The following RBMX variants were observed in gnomAD, a reference collection of about 807,000 sequenced individuals.
The protein encoded by RBMX is RNA binding motif protein X-linked, also known as RNA-binding motif protein, X chromosome.
RBMX carries 1 observed loss-of-function variant against 29.3 expected under a neutral mutation model. That is an observed-to-expected ratio of 0.03 (90% CI 0.01 to 0.16). RBMX has a LOEUF of 0.16. Among genes scored for constraint, RBMX ranks in the 10% least tolerant of loss-of-function variants. The pLI, the probability that RBMX is intolerant of heterozygous loss-of-function variation, is 1.00. For missense variants in RBMX, 121 were observed against 333.2 expected, an observed-to-expected ratio of 0.36 and a Z score of 4.96; for synonymous variants, 102 against 102.3, an observed-to-expected ratio of 1.00 and a Z score of 0.02.
In RBMX at chrX:136,875,585, G is replaced by T; in HGVS notation, c.542C>A (p.Ala181Asp). 4 of 1,198,627 alleles carry T rather than the reference G, an allele frequency of 3.3e-6. No individual in the cohort carries two copies. Among genetic ancestry groups the T allele is most frequent in the Non-Finnish European group, 4.5e-6 (4 of 891,946 alleles). ...VRSSSGMGGRAPVSRGRDSYG... is the reference protein window; with the variant it reads ...VRSSSGMGGRDPVSRGRDSYG... ...ACTATCTCTTCCACGTGATACAGGA[G>T]CTTAAGGAAAAATATCATTTTTTTA... The change falls in exon 6 of 9, where the codon GCT becomes GAT. Residue 181 changes from alanine to aspartate, a missense_variant and splice_region_variant. Physicochemically the swap from Ala to Asp is moderately radical, Grantham distance 126. Coordinates refer to ENST00000320676, the MANE Select transcript of RBMX (RefSeq NM_002139.4).
intron 4 of RBMX, 50 bp from the exon 5 acceptor site, chrX:136,876,705 A>G: frequency 1.9e-6 from 2 of 1,049,473 alleles, no homozygotes; most frequent in Non-Finnish European, 2.5e-6. Flanking sequence ...AGAATCAAGA[A>G]AGATATAAAA....
Position 136,880,682 on chromosome X carries a change from G to C in RBMX, c.-112C>G, listed in dbSNP as rs961371848. 1 of 80,403 alleles carries C rather than the reference G, an allele frequency of 1.2e-5. No homozygotes were observed. The allele number at this position is 80,403 out of a possible 1,213,427, so 6.6% of individuals were successfully genotyped here. On this transcript the variant is annotated 5_prime_UTR_variant, in exon 1 of 9. Transcript: ENST00000320676. ...TCAGCACCAGTGGCGGCTGCCGGGT[G>C]CGAGGACCGAACCGCGAAGCCGCTA...
Position 136,878,651 on chromosome X carries a change from G to C in RBMX, c.216+366C>G, listed in dbSNP as rs1438950055. Among the ~76,000 whole-genome samples the C allele has an allele frequency of 4.4e-3, 216 of 48,923 alleles. 31 individuals carry two copies. Among genetic ancestry groups the C allele is most frequent in the African/African-American group, 0.014 (196 of 14,263 alleles). 42.5% of individuals were successfully genotyped at this position (48,923 alleles called of 115,157 possible). The stretch of plus-strand genomic sequence containing the variant: ...TCCCAGCTACTGGGGGGGGGGGGGG[G>C]GGCTGAGGCAGAAAAATCGCTTAGA... On this transcript the variant is annotated intron_variant, in intron 3 of 8. Coordinates refer to ENST00000320676, the MANE Select transcript of RBMX (RefSeq NM_002139.4).
At chrX:136,873,410 G>A, downstream of RBMX, 1 of 744,930 alleles carries the variant, frequency 1.3e-6, no homozygotes. Context: ...AGACACTACA[G>A]AGTTGCAAAA....
Position 136,878,007 on chromosome X carries a change from G to A in RBMX, c.296C>T (p.Pro99Leu), listed in dbSNP as rs1241455828. The change falls in exon 4 of 9, where the codon CCT becomes CTT. Residue 99 changes from proline to leucine, a missense_variant. Around this residue, in one of 2 missense-constraint regions of RBMX, gnomAD observed 114 missense variants for 260.0 expected, o/e 0.44. Transcript: ENST00000320676. ...FESGRRGPPP[P>L]PRSRGPPRGL... is the part of the protein sequence containing the mutation. The stretch of plus-strand genomic sequence containing the variant: ...TCTTGGAGGGCCTCTACTTCTTGGA[G>A]GTGGAGGCGGTCCACGTCTACCACT... 3.3e-6 allele frequency: 4 copies of A among 1,208,328 alleles called. No individual in the cohort carries two copies. The highest frequency in any genetic ancestry group is 4.5e-6 in the Non-Finnish European group (4 of 894,119).
At chrX:136,874,950 G>C in intron 8 of RBMX, 136 bp downstream of exon 8, 1 of 1,057,958 alleles carries the variant, frequency 9.5e-7, no homozygotes, top group Non-Finnish European at 1.2e-6. Flanking sequence ...ACTAGGAAAA[G>C]CCCAGCTGAT....
intron 3 of RBMX, 147 bp from the exon 4 acceptor site, chrX:136,878,233 C>T (rs747780175): frequency 3.6e-5 from 17 of 476,822 alleles, no homozygotes; most frequent in South Asian, 3.1e-4. Context: ...CAAATATAGT[C>T]AGTTTACATA....
At chrX:136,876,377 C>G in intron 5 of RBMX, 126 bp downstream of exon 5, 1 of 761,602 alleles carries the variant, frequency 1.3e-6, no homozygotes, top group Non-Finnish European at 1.8e-6. Flanking sequence ...CTGCCGCGGC[C>G]TCCCAAAGTG....
chrX:136,872,324 CATA>C (rs767553768), downstream of RBMX: 6,345 of 1,164,703 alleles, frequency 5.4e-3, 15 homozygotes, highest in South Asian at 6.3e-3. Flanking sequence ...ACTCCACGAC[CATA>C]ATGAGCAAAA....
At chrX:136,872,158 TTC>T (rs765721046), downstream of RBMX, 11 of 580,651 alleles carry the variant, frequency 1.9e-5, no homozygotes, top group Admixed American at 3.3e-4. Flanking sequence ...AAGCAGCGTT[TTC>T]TTTTACAGAT....
intron 2 of RBMX, 47 bp from the exon 3 acceptor site, chrX:136,879,170 G>A (rs772177194): frequency 1.7e-6 from 2 of 1,209,195 alleles, no homozygotes; most frequent in East Asian, 3.0e-5. Context: ...TAGGTCAAAT[G>A]AAATAACCAA....
chrX:136,872,155 G>T (rs762067682), downstream of RBMX: 87 of 563,136 alleles, frequency 1.5e-4, no homozygotes, highest in African/African-American at 1.8e-3. Context: ...TCCAAGCAGC[G>T]TTTTCTTTTA....
chrX:136,870,971 C>T (rs893532131), downstream of RBMX, among the ~76,000 whole-genome samples: 33 of 106,312 alleles, frequency 3.1e-4, no homozygotes, highest in Non-Finnish European at 5.4e-4. Flanking sequence ...TAATAATAAC[C>T]GACATAGTGG....
chrX:136,870,732 T>C (rs1369148398), downstream of RBMX, among the ~76,000 whole-genome samples: 1 of 96,367 alleles, frequency 1.0e-5, no homozygotes, highest in African/African-American at 4.0e-5. Flanking sequence ...TTGGGGAGTC[T>C]GAGGCAGGAG....
At chrX:136,871,043 A>G (rs1473442173), downstream of RBMX, among the ~76,000 whole-genome samples, 1 of 108,336 alleles carries the variant, frequency 9.2e-6, no homozygotes, top group East Asian at 2.9e-4. Context: ...GAACCTGGGA[A>G]GCAGAGGTTG....
rs74463481 is a variant in RBMX at position 136,874,303 on chromosome X, G to A, written c.1015C>T (p.Arg339Cys). ...SSRSDLYSSG[R>C]DRVGRQERGL... is the part of the protein sequence containing the mutation. ...CTTTCTTGTCTGCCAACCCGATCAC[G>A]ACCACTTGAGTAGAGATCACTTCGG... Residue 339 changes from arginine to cysteine, a missense_variant, in exon 9 of 9, where the codon CGT becomes TGT. Arg to Cys is a radical substitution (Grantham distance 180). Transcript: ENST00000320676. 2 of 1,161,150 alleles carry A rather than the reference G, an allele frequency of 1.7e-6. No individual in the cohort carries two copies. The highest frequency in any genetic ancestry group is 1.1e-6 in the Non-Finnish European group (1 of 870,931).
chrX:136,870,793 AAAAAG>A (rs1247578512), downstream of RBMX, among the ~76,000 whole-genome samples: 5 of 107,905 alleles, frequency 4.6e-5, no homozygotes, highest in African/African-American at 1.4e-4. Flanking sequence ...TCAAAAAAAA[AAAAAG>A]AAAAAGAAAA....
chrX:136,869,861 A>G (rs1440314093), downstream of RBMX: 8 of 112,339 alleles, frequency 7.1e-5, no homozygotes, highest in African/African-American at 2.6e-4. Context: ...CTGGGAGGTA[A>G]AGTAGGCTTA....
downstream of RBMX, chrX:136,872,428 A>T: frequency 1.2e-6 from 1 of 849,204 alleles, no homozygotes; most frequent in Non-Finnish European, 1.7e-6. Flanking sequence ...CCTCTTTTCC[A>T]GAAAGAAAAG....
Sources: allele counts gnomAD v4.1 joint callset (sites outside exome capture counted in the v4.1 genomes callset), GRCh38; gene constraint gnomAD v4.1.1; regional missense constraint gnomAD v4.1.1; transcripts MANE v1.5; gene names NCBI Gene and HGNC (gene_info 2026-07-23, HGNC 2026-07-21).